Variants in SYNPR observed in about 807,000 individuals in gnomAD.
SYNPR encodes synaptoporin.
In SYNPR, 23 loss-of-function variants were observed where a neutral mutation model predicts 32.9. The observed-to-expected ratio is 0.70, with a 90% CI of 0.50 to 0.99. SYNPR has a LOEUF of 0.99. Among genes scored for constraint, SYNPR ranks in the 50% least tolerant of loss-of-function variants. The pLI is 0.00. For synonymous variants in SYNPR, 146 were observed against 135.9 expected (o/e 1.07, Z -0.52); for missense variants, 318 against 349.3 (o/e 0.91, Z 0.71).
At chr3:63,332,130 T>C (rs939176169) in intron 2 of SYNPR, among the ~76,000 whole-genome samples, 1 of 152,198 alleles carries the variant, frequency 6.6e-6, no homozygotes, top group African/African-American at 2.4e-5. Flanking sequence ...GGAGGATGCC[T>C]GAGTTTTATA....
intron 2 of SYNPR, among the ~76,000 whole-genome samples, chr3:63,361,305 A>G (rs1239336236): frequency 6.6e-6 from 1 of 151,998 alleles, no homozygotes; most frequent in Admixed American, 6.6e-5. Context: ...AAATGGATAT[A>G]GGCCAGGCTC....
intron 4 of SYNPR, among the ~76,000 whole-genome samples, chr3:63,565,235 T>C (rs1702761387): frequency 6.6e-6 from 1 of 152,184 alleles, no homozygotes; most frequent in Non-Finnish European, 1.5e-5. Flanking sequence ...GTGACAATTT[T>C]GCCCCTGACT....
intron 2 of SYNPR, among the ~76,000 whole-genome samples, chr3:63,345,821 T>G (rs199654463): frequency 1.1e-5 from 1 of 92,016 alleles, no homozygotes; most frequent in Admixed American, 1.2e-4. Flanking sequence ...TTTCTGGAAC[T>G]TTTTTTTTTT....
chr3:63,350,206 AT>A (rs2087487676), intron 2 of SYNPR, among the ~76,000 whole-genome samples: 1 of 137,514 alleles, frequency 7.3e-6, no homozygotes, highest in Admixed American at 7.4e-5. Flanking sequence ...AGAGGTTAAT[AT>A]TATTCTACAC....
At chr3:63,309,689 T>A (rs2086943115) in intron 2 of SYNPR, among the ~76,000 whole-genome samples, 1 of 151,868 alleles carries the variant, frequency 6.6e-6, no homozygotes, top group Non-Finnish European at 1.5e-5. Flanking sequence ...TATTCCCCCA[T>A]CTAATCTGTT....
chr3:63,546,475 T>C (rs1702403702), intron 3 of SYNPR, among the ~76,000 whole-genome samples: 1 of 152,004 alleles, frequency 6.6e-6, no homozygotes, highest in African/African-American at 2.4e-5. Flanking sequence ...CACATGGAAA[T>C]GGGAGCTACA....
At chr3:63,539,366 A>G (rs1051761317) in intron 3 of SYNPR, among the ~76,000 whole-genome samples, 28 of 152,118 alleles carry the variant, frequency 1.8e-4, no homozygotes, top group Non-Finnish European at 3.5e-4. Flanking sequence ...TCAGGCTTTT[A>G]TGCATGTGTG....
At chr3:63,278,817 T>G in intron 2 of SYNPR, 75 bp downstream of exon 2, 1 of 1,470,714 alleles carries the variant, frequency 6.8e-7, no homozygotes, top group East Asian at 2.5e-5. Flanking sequence ...GATGGGGTGC[T>G]CCCTGCTCAG....
At chr3:63,535,982 T>G (rs1702198757) in intron 3 of SYNPR, among the ~76,000 whole-genome samples, 1 of 152,016 alleles carries the variant, frequency 6.6e-6, no homozygotes, top group Non-Finnish European at 1.5e-5. Flanking sequence ...AAGGACTCTA[T>G]CAGCCAGGTG....
intron 2 of SYNPR, among the ~76,000 whole-genome samples, chr3:63,438,097 T>G (rs559882811): frequency 6.6e-6 from 1 of 152,354 alleles, no homozygotes; most frequent in South Asian, 2.1e-4. Flanking sequence ...CTGGGCACTT[T>G]GCTTTGGGCT....
intron 2 of SYNPR, among the ~76,000 whole-genome samples, chr3:63,375,659 T>C (rs1008230615): frequency 2.0e-5 from 3 of 152,144 alleles, no homozygotes; most frequent in Non-Finnish European, 4.4e-5. Context: ...ACATGGCACA[T>C]GTATACCTGT....
chr3:63,596,944 A>G (rs893089003), intron 4 of SYNPR, among the ~76,000 whole-genome samples: 3 of 152,208 alleles, frequency 2.0e-5, no homozygotes, highest in Non-Finnish European at 1.5e-5. Context: ...GATGTACTGT[A>G]AGTGTAAAAT....
At chr3:63,331,210 G>A (rs959506557) in intron 2 of SYNPR, among the ~76,000 whole-genome samples, 11 of 152,082 alleles carry the variant, frequency 7.2e-5, no homozygotes, top group African/African-American at 2.7e-4. Flanking sequence ...ACTGATCCAG[G>A]CAACCTTAAA....
intron 3 of SYNPR, among the ~76,000 whole-genome samples, chr3:63,538,715 A>C (rs887447420): frequency 2.6e-5 from 4 of 152,028 alleles, no homozygotes; most frequent in African/African-American, 9.7e-5. Context: ...CCTGAGTCCT[A>C]GAATGGACAT....
rs1225284858 is a variant in SYNPR at position 63,538,161 on chromosome 3, T to C, written c.210-18382T>C. On this transcript the variant is annotated intron_variant, in intron 3 of 5. Transcript: ENST00000478300. ...ACAATGACATTTGATCGTGAGGCTT[T>C]TTTGATGCACAAATCCAAGTATTTA... Among the ~76,000 whole-genome samples the C allele has an allele frequency of 2.6e-5, 4 of 152,184 alleles. No individual in the cohort carries two copies. The East Asian group carries it at 5.8e-4, about 22-fold the overall frequency.
intron 2 of SYNPR, among the ~76,000 whole-genome samples, chr3:63,254,658 T>C (rs915559999): frequency 6.6e-6 from 1 of 152,154 alleles, no homozygotes; most frequent in East Asian, 1.9e-4. Flanking sequence ...AGGGGGTCTG[T>C]CATATGCATT....
At position 63,259,741 on chromosome 3, in the gene SYNPR, A is replaced by G. The variant is rs924296658; in HGVS notation, n.154+7155A>G. Among the ~76,000 whole-genome samples the G allele has an allele frequency of 3.3e-5, 5 of 152,202 alleles. No homozygotes were observed. In the East Asian group the frequency reaches 9.6e-4, roughly 29 times the overall value. Reference sequence around the variant, plus strand: ...CTGGCCAGGGCAATCAGGCAAGAGAAGGAAATAAAGGATATTCAATTAGGA... The same window carrying G: ...CTGGCCAGGGCAATCAGGCAAGAGAGGGAAATAAAGGATATTCAATTAGGA... On this transcript the variant is annotated intron_variant and non_coding_transcript_variant, in intron 2 of 4. Coordinates refer to the SYNPR transcript ENST00000478456.
intron 3 of SYNPR, among the ~76,000 whole-genome samples, chr3:63,533,781 G>C (rs959282930): frequency 6.6e-6 from 1 of 152,134 alleles, no homozygotes; most frequent in Non-Finnish European, 1.5e-5. Flanking sequence ...AGCCTTGTTG[G>C]TCTGAGTTTG....
intron 4 of SYNPR, among the ~76,000 whole-genome samples, chr3:63,565,402 C>G (rs1559538225): frequency 6.6e-6 from 1 of 152,162 alleles, no homozygotes; most frequent in African/African-American, 2.4e-5. Context: ...GAGGGCTGCC[C>G]TCTGCCTCCA....
Sources: allele counts gnomAD v4.1 joint callset (sites outside exome capture counted in the v4.1 genomes callset), GRCh38; gene constraint gnomAD v4.1.1; transcripts MANE v1.5; gene names NCBI Gene and HGNC (gene_info 2026-07-23, HGNC 2026-07-21).